ATAT1: variants seen among roughly 807,000 people sequenced by gnomAD.
ATAT1 encodes alpha-tubulin N-acetyltransferase 1.
Under a neutral mutation model 57.2 loss-of-function variants are expected in ATAT1, and 42 were observed. That is an observed-to-expected ratio of 0.73 (90% confidence interval 0.57 to 0.95). ATAT1 has a LOEUF of 0.95. Ranked by LOEUF, ATAT1 falls within the 40% of genes least tolerant of loss-of-function variation. ATAT1 has a pLI of 0.00. For missense variants in ATAT1, 454 were observed against 523.7 expected (o/e 0.87, Z 1.30); for synonymous variants, 168 against 187.1 (o/e 0.90, Z 0.83).
chr6:30,628,176 A>G, intron 5 of ATAT1, 31 bp downstream of exon 5: 2 of 1,593,636 alleles, frequency 1.3e-6, no homozygotes, highest in South Asian at 1.1e-5. Context: ...GGTTCATCCA[A>G]ACTAGGGGCT....
chr6:30,645,134 C>T (rs966440700), intron 10 of ATAT1, among the ~76,000 whole-genome samples: 6 of 152,148 alleles, frequency 3.9e-5, no homozygotes, highest in Admixed American at 3.9e-4. Flanking sequence ...CAGTCTGTCA[C>T]CCTATTTACA....
intron 8 of ATAT1, among the ~76,000 whole-genome samples, chr6:30,641,293 A>G (rs993394728): frequency 1.3e-5 from 2 of 152,148 alleles, no homozygotes; most frequent in Non-Finnish European, 2.9e-5. Context: ...CCATCCAAAC[A>G]GCAGTCTGTA....
chr6:30,634,618 G>C (rs1438966946), intron 6 of ATAT1, among the ~76,000 whole-genome samples: 1 of 132,228 alleles, frequency 7.6e-6, no homozygotes, highest in African/African-American at 2.9e-5. Context: ...TCTTACTTCT[G>C]ACTTTACTTG....
intron 6 of ATAT1, among the ~76,000 whole-genome samples, chr6:30,634,916 A>C (rs1029406484): frequency 7.2e-5 from 11 of 151,938 alleles, no homozygotes; most frequent in Non-Finnish European, 1.5e-4. Flanking sequence ...TGAACCCGGG[A>C]GGCAGAGCTT....
At chr6:30,639,253 T>C (rs1404766374) in intron 6 of ATAT1, among the ~76,000 whole-genome samples, 2 of 152,202 alleles carry the variant, frequency 1.3e-5, no homozygotes, top group African/African-American at 2.4e-5. Context: ...GTGCTGGGAT[T>C]ACAGGTGTGA....
Position 30,646,534 on chromosome 6 carries a change from C to A in ATAT1, c.1121C>A (p.Pro374His). The change falls in exon 13 of 13, where the codon CCT becomes CAT. Residue 374 changes from proline to histidine, a missense_variant. By Grantham distance (77) the Pro-to-His change is moderately conservative. Coordinates refer to ENST00000330083, the MANE Select transcript of ATAT1 (RefSeq NM_001031722.4). ...GGGGAGAAGCCCATGCACACAGCTC[C>A]TCCACAGGCCCCGGCCCCGCCAGCC... The A allele has an allele frequency of 6.3e-7, 1 of 1,591,644 alleles. No homozygotes were observed.
chr6:30,643,343 G>A (rs1286449539), intron 10 of ATAT1: 5 of 1,435,728 alleles, frequency 3.5e-6, no homozygotes, highest in Middle Eastern at 1.8e-4. Context: ...CTGGGGAAGG[G>A]GCAGTGTCTG....
At position 30,627,154 on chromosome 6, in the gene ATAT1, G is replaced by A. The variant is rs1482617560; in HGVS notation, c.-50G>A. ...CCTGGGCCTAGTGGGATTGATCAGC[G>A]CTTGGATCTGTGACCTTTCACCCCG... On this transcript the variant is annotated 5_prime_UTR_variant, in exon 1 of 13. Coordinates refer to ENST00000330083, the MANE Select transcript of ATAT1 (RefSeq NM_001031722.4). 6.2e-7 allele frequency: 1 copy of A among 1,611,570 alleles called. No homozygotes were observed.
chr6:30,631,500 T>C lies in ATAT1; in HGVS notation c.501+3070T>C, dbSNP rs557246822. Among the ~76,000 whole-genome samples the C allele has an allele frequency of 3.3e-5, 5 of 150,016 alleles. No individual in the cohort carries two copies. In the South Asian group the frequency reaches 1.1e-3, roughly 32 times the overall value. On this transcript the variant is annotated intron_variant, in intron 6 of 12. Transcript: ENST00000330083. ...AAAAAAAAAGAATAAAAACCAAGGC[T>C]GGGCGTGGTGACTTACATCTGCAAT...
At position 30,637,210 on chromosome 6, in the gene ATAT1, T is replaced by C. The variant is rs527765416; in HGVS notation, c.502-3167T>C. ...TTTCATGGGCTCTATGTGGTATCTA[T>C]ATGCATCATCTCAGTGGATTCTTGC... On this transcript the variant is annotated intron_variant, in intron 6 of 12. Coordinates refer to ENST00000330083, the MANE Select transcript of ATAT1 (RefSeq NM_001031722.4). Among the ~76,000 whole-genome samples the C allele has an allele frequency of 2.0e-4, 31 of 152,308 alleles. 1 individual carries two copies. In the South Asian group the frequency reaches 6.0e-3, roughly 29 times the overall value.
chr6:30,640,562 C>T lies in ATAT1; in HGVS notation c.575C>T (p.Thr192Ile), dbSNP rs1472974406. 1.4e-5 allele frequency: 22 copies of T among 1,612,886 alleles called. No homozygotes were observed. Among genetic ancestry groups the T allele is most frequent in the Non-Finnish European group, 1.9e-5 (22 of 1,180,030 alleles). Residue 192 changes from threonine to isoleucine, a missense_variant, in exon 8 of 13, where the codon ACT (threonine) becomes ATT (isoleucine). Transcript: ENST00000330083. Reference sequence around the variant, plus strand: ...CCCCCTGCTCCCTCTCTGAGGGCAACTCGACACTCTCGTGCTGCTGCAGTC... The same window carrying T: ...CCCCCTGCTCCCTCTCTGAGGGCAATTCGACACTCTCGTGCTGCTGCAGTC...
chr6:30,640,352 G>C (rs781157944), intron 6 of ATAT1, 25 bp from the exon 7 acceptor site: 7 of 1,612,178 alleles, frequency 4.3e-6, no homozygotes, highest in Non-Finnish European at 5.9e-6. Context: ...ATGCATGATT[G>C]TATTTTGTTT....
chr6:30,642,671 T>C, intron 9 of ATAT1, 97 bp from the exon 10 acceptor site: 1 of 805,670 alleles, frequency 1.2e-6, no homozygotes, highest in South Asian at 1.6e-5. Flanking sequence ...AAAGAAAGAC[T>C]CAGATTTCTC....
At chr6:30,643,679 A>G in intron 10 of ATAT1, 7 of 1,517,656 alleles carry the variant, frequency 4.6e-6, no homozygotes, top group South Asian at 1.2e-5. Flanking sequence ...GACAGAGCCC[A>G]TAGGATTCCC....
At chr6:30,628,905 T>C (rs891401949) in intron 6 of ATAT1, among the ~76,000 whole-genome samples, 1 of 151,284 alleles carries the variant, frequency 6.6e-6, no homozygotes, top group Non-Finnish European at 1.5e-5. Context: ...ATCTGACTTT[T>C]TTTTTTTTTT....
chr6:30,640,376 G>A lies in ATAT1; in HGVS notation c.502-1G>A. On this transcript the variant is annotated splice_acceptor_variant, in intron 6 of 12. Coordinates refer to ENST00000330083, the MANE Select transcript of ATAT1 (RefSeq NM_001031722.4). LOFTEE classifies it high-confidence loss of function. ...TGTATTTTGTTTGTTTCATCTTCCA[G>A]GTGAACAACTTTGTGATCTTTGAAG... The A allele has an allele frequency of 6.2e-7, 1 of 1,612,982 alleles. No individual in the cohort carries two copies. The highest frequency in any genetic ancestry group is 8.5e-7 in the Non-Finnish European group (1 of 1,180,032).
rs192077530 is a variant in ATAT1, at chr6:30,637,120, A to G, written c.502-3257A>G. Among the ~76,000 whole-genome samples the G allele has an allele frequency of 5.4e-3, 828 of 152,320 alleles. 11 individuals carry two copies. The highest frequency in any genetic ancestry group is 0.051 in the South Asian group (244 of 4,826). ...CCGGTCCTGGAGCACAGTATTCGAT[A>G]TGAAACACATTACCCAGTTAACATG... On this transcript the variant is annotated intron_variant, in intron 6 of 12. Transcript: ENST00000330083.
At chr6:30,640,350 T>G in intron 6 of ATAT1, 27 bp from the exon 7 acceptor site, 1 of 1,610,536 alleles carries the variant, frequency 6.2e-7, no homozygotes, top group Non-Finnish European at 8.5e-7. Flanking sequence ...TGATGCATGA[T>G]TGTATTTTGT....
intron 6 of ATAT1, among the ~76,000 whole-genome samples, chr6:30,631,256 C>T (rs1027386933): frequency 2.0e-5 from 3 of 151,024 alleles, no homozygotes; most frequent in South Asian, 2.1e-4. Context: ...GGCCGAGGCG[C>T]GCGGATCACG....
Sources: gnomAD v4.1 joint callset for allele counts (sites outside exome capture counted in the v4.1 genomes callset) on GRCh38, gnomAD v4.1.1 for gene constraint, MANE v1.5 for transcripts, NCBI Gene and HGNC (gene_info 2026-07-23, HGNC 2026-07-21) for gene names.